The following B4GALNT3 variants were observed in gnomAD, a reference collection of about 807,000 sequenced individuals.
B4GALNT3 encodes the protein beta-1,4-N-acetyl-galactosaminyltransferase 3.
Under a neutral mutation model 120.2 loss-of-function variants are expected in B4GALNT3, and 86 were observed. That is an observed-to-expected ratio of 0.72 (90% CI 0.60 to 0.86). B4GALNT3 has a LOEUF of 0.86. Ranked by LOEUF, B4GALNT3 falls within the 40% of genes least tolerant of loss-of-function variation. The pLI is 0.00. For missense variants in B4GALNT3, 1,167 were observed against 1,298.9 expected (o/e 0.90, Z 1.56); for synonymous variants, 518 against 510.4 (o/e 1.01, Z -0.20).
rs1182718859 is a variant in B4GALNT3, at chr12:541,830, T to TC, written c.352-2501dup. Among the ~76,000 whole-genome samples, 169 of 40,246 alleles carry TC rather than the reference T, an allele frequency of 4.2e-3. 2 individuals are homozygous for TC. The highest frequency in any genetic ancestry group is 0.013 in the African/African-American group (138 of 10,394). The allele number at this position is 40,246 out of a possible 152,430, so 26.4% of individuals were successfully genotyped here. A position where few individuals can be genotyped will look rare whatever the true frequency, so the allele number is the denominator to read the frequency against. ...CCTCGGCCCTCCTCTCCCTGCCCAG[T>TC]CCCCCCCCTCACCCCCCCCCACCCC... On this transcript the variant is annotated intron_variant, in intron 3 of 19. Transcript: ENST00000266383.
Position 460,442 on chromosome 12 carries a change from C to G in B4GALNT3, c.66C>G (p.Arg22=). 5.1e-6 allele frequency: 8 copies of G among 1,573,094 alleles called. No homozygotes were observed. Among genetic ancestry groups the G allele is most frequent in the Non-Finnish European group, 6.9e-6 (8 of 1,162,356 alleles). The change falls in exon 1 of 20, where the codon CGC becomes CGG. Residue 22 remains arginine, a synonymous_variant. Transcript: ENST00000266383. This position sits in a 1 kb window ranked among gnomAD's most constrained non-coding sequence, Gnocchi z 8.0. ...GCCCGGTGAAGCTGCTGCGGAGGCG[C>G]TTCCGGCTGCTGCTGGCGCTCGCCG... ...LLRPVKLLRR[R]FRLLLALAVV... is the part of the protein sequence containing the mutation.
chr12:538,025 C>G (rs1946878642), intron 3 of B4GALNT3, among the ~76,000 whole-genome samples: 1 of 152,178 alleles, frequency 6.6e-6, no homozygotes, highest in Non-Finnish European at 1.5e-5. Flanking sequence ...CCCCGCCCTA[C>G]CTGGAGATAG....
intron 1 of B4GALNT3, among the ~76,000 whole-genome samples, chr12:530,359 G>T (rs192153204): frequency 3.0e-4 from 45 of 152,362 alleles, no homozygotes; most frequent in Admixed American, 1.8e-3. Context: ...AGTTGAAAGT[G>T]CTTTGAAGGG....
rs78866386 is a variant in B4GALNT3, at chr12:476,637, G to A, written c.169+16092G>A. On this transcript the variant is annotated intron_variant, in intron 1 of 19. Coordinates refer to ENST00000266383, the MANE Select transcript of B4GALNT3 (RefSeq NM_173593.4). ...TAAATAAATAAATGCTTATCTGAGCGCCTAGTATGTGCCCAGAATTGAATG... is the reference window on the plus strand; with the variant it reads ...TAAATAAATAAATGCTTATCTGAGCACCTAGTATGTGCCCAGAATTGAATG... Among the ~76,000 whole-genome samples, 251 of 152,274 alleles carry A rather than the reference G, an allele frequency of 1.6e-3. 1 individual carries two copies. The highest frequency in any genetic ancestry group is 2.0e-3 in the Non-Finnish European group (133 of 68,018).
intron 3 of B4GALNT3, among the ~76,000 whole-genome samples, chr12:537,211 A>C (rs766724906): frequency 2.4e-4 from 37 of 152,246 alleles, no homozygotes; most frequent in Non-Finnish European, 4.7e-4. Flanking sequence ...GGAAGCAGTT[A>C]AATGAATAAA....
At chr12:483,906 C>T (rs180963193) in intron 1 of B4GALNT3, among the ~76,000 whole-genome samples, 75 of 152,116 alleles carry the variant, frequency 4.9e-4, no homozygotes, top group Admixed American at 1.8e-3. Context: ...GGTGGAGGGG[C>T]GAGTTGACTT....
rs766025363 is a variant in B4GALNT3 at position 550,985 on chromosome 12, A to G, written c.1061A>G (p.Tyr354Cys). The change falls in exon 11 of 20, where the codon TAT becomes TGT. Residue 354 changes from tyrosine to cysteine, a missense_variant. By Grantham distance (194) the Tyr-to-Cys change is radical. This residue lies in a region of B4GALNT3 where 983 missense variants were observed against 1,102.5 expected (regional missense o/e 0.89). Coordinates refer to ENST00000266383, the MANE Select transcript of B4GALNT3 (RefSeq NM_173593.4). This position sits in a 1 kb window ranked among gnomAD's most constrained non-coding sequence, Gnocchi z 4.1. The part of the protein sequence containing the change: ...VLPDCPYKPS[Y>C]LVDGLPLQRY... ...CCTGACTGTCCCTACAAACCCAGCT[A>G]TCTGGTGGATGGGCTTCCTCTGCAG... The G allele has an allele frequency of 3.7e-6, 6 of 1,613,918 alleles. No homozygotes were observed. The highest frequency in any genetic ancestry group is 5.1e-6 in the Non-Finnish European group (6 of 1,179,906).
chr12:512,509 G>C (rs1946595933), intron 1 of B4GALNT3, among the ~76,000 whole-genome samples: 1 of 81,122 alleles, frequency 1.2e-5, no homozygotes, highest in Non-Finnish European at 2.3e-5. Context: ...TCTACCTTCT[G>C]CCTTCCACCT....
intron 1 of B4GALNT3, among the ~76,000 whole-genome samples, chr12:530,551 C>G (rs1165378776): frequency 6.6e-6 from 1 of 152,210 alleles, no homozygotes; most frequent in Non-Finnish European, 1.5e-5. Flanking sequence ...AAATAACAAG[C>G]TGCCATGTGT....
At chr12:509,149 G>A (rs1475929294) in intron 1 of B4GALNT3, among the ~76,000 whole-genome samples, 2 of 152,202 alleles carry the variant, frequency 1.3e-5, no homozygotes, top group Non-Finnish European at 2.9e-5. Flanking sequence ...CTGATGGGGC[G>A]GAGGACCCCT....
At chr12:489,014 A>G (rs1946316330) in intron 1 of B4GALNT3, among the ~76,000 whole-genome samples, 1 of 152,112 alleles carries the variant, frequency 6.6e-6, no homozygotes, top group Non-Finnish European at 1.5e-5. Flanking sequence ...TGTCCTTTGC[A>G]GGGACATGGA....
intron 1 of B4GALNT3, among the ~76,000 whole-genome samples, chr12:500,307 G>A (rs77507966): frequency 0.013 from 1,973 of 152,254 alleles, 28 homozygotes; most frequent in African/African-American, 0.045. Flanking sequence ...CGCCCAGCCA[G>A]AAGCAACTCT....
chr12:512,082 TCGACCTTCCAC>T (rs1946579566), intron 1 of B4GALNT3, among the ~76,000 whole-genome samples: 1 of 121,508 alleles, frequency 8.2e-6, no homozygotes, highest in Non-Finnish European at 1.7e-5. Context: ...CCTTCCACCT[TCGACCTTCCAC>T]CTTCCACCTT....
At chr12:504,899 T>C (rs1946481914) in intron 1 of B4GALNT3, among the ~76,000 whole-genome samples, 1 of 151,690 alleles carries the variant, frequency 6.6e-6, no homozygotes. Flanking sequence ...CACAGGTTTT[T>C]TTTTTTTTGA....
chr12:502,531 G>A (rs1946454942), intron 1 of B4GALNT3, among the ~76,000 whole-genome samples: 1 of 144,544 alleles, frequency 6.9e-6, no homozygotes, highest in Non-Finnish European at 1.5e-5. Flanking sequence ...GGATACAAAG[G>A]GATTGGAAAG....
chr12:554,695 C>A (rs1370360784), intron 14 of B4GALNT3, among the ~76,000 whole-genome samples: 5 of 134,526 alleles, frequency 3.7e-5, no homozygotes, highest in South Asian at 4.8e-4. Context: ...GAGGCTGAGG[C>A]AGGAGAATGG....
At chr12:524,863 A>G (rs1440575616) in intron 1 of B4GALNT3, among the ~76,000 whole-genome samples, 1 of 152,178 alleles carries the variant, frequency 6.6e-6, no homozygotes, top group Non-Finnish European at 1.5e-5. Context: ...GGCCTGCGCA[A>G]ACGCACATTC....
At chr12:510,678 A>G (rs1946538938) in intron 1 of B4GALNT3, among the ~76,000 whole-genome samples, 2 of 152,174 alleles carry the variant, frequency 1.3e-5, no homozygotes, top group South Asian at 4.1e-4. Flanking sequence ...TGCTTTGGAA[A>G]GAAACCTGTT....
chr12:476,663 T>C (rs543726081), intron 1 of B4GALNT3, among the ~76,000 whole-genome samples: 1 of 152,316 alleles, frequency 6.6e-6, no homozygotes, highest in East Asian at 1.9e-4. Context: ...GAATTGAATG[T>C]TGATTTGAAG....
Sources: gnomAD v4.1 joint callset for allele counts (sites outside exome capture counted in the v4.1 genomes callset) on GRCh38, gnomAD v4.1.1 for gene constraint, gnomAD v4.1.1 regional missense constraint, Gnocchi (gnomAD v3.1) non-coding constraint, MANE v1.5 for transcripts, NCBI Gene and HGNC (gene_info 2026-07-23, HGNC 2026-07-21) for gene names.